TMEM117: variants seen among roughly 807,000 people sequenced by gnomAD.
The protein encoded by TMEM117 is transmembrane protein 117.
Under a neutral mutation model 52.4 loss-of-function variants are expected in TMEM117, and 27 were observed. That is an observed-to-expected ratio of 0.51 (90% CI 0.38 to 0.71). The LOEUF (loss-of-function observed/expected upper bound fraction) is 0.71, where lower values mean the gene tolerates loss of function less well. TMEM117 is among the 30% of genes least tolerant of loss of function. The pLI is 0.00. For missense variants in TMEM117, 556 were observed against 630.5 expected, an observed-to-expected ratio of 0.88 and a Z score of 1.26; for synonymous variants, 215 against 206.3, an observed-to-expected ratio of 1.04 and a Z score of -0.36.
At position 44,143,584 on chromosome 12, in the gene TMEM117, C is replaced by T. The variant is rs1442778409; in HGVS notation, c.470C>T (p.Ala157Val). The part of the protein sequence containing the change: ...IRNESFMKLA[A>V]VGTWMGDFVT... ...AATGAAAGTTTCATGAAATTAGCTG[C>T]AGTAGGGACCTGGATGGGGGACTTT... The change falls in exon 4 of 8, where the codon GCA becomes GTA. Residue 157 changes from alanine (A) to valine (V), a missense_variant. By Grantham distance (64) the Ala-to-Val change is moderately conservative (BLOSUM62 0). This residue lies in a region of TMEM117 where 328 missense variants were observed against 371.4 expected (regional missense o/e 0.88). Coordinates refer to ENST00000266534, the MANE Select transcript of TMEM117 (RefSeq NM_032256.3). 3 of 1,613,954 alleles carry T rather than the reference C, an allele frequency of 1.9e-6. No individual in the cohort carries two copies. Among genetic ancestry groups the T allele is most frequent in the Middle Eastern group, 3.3e-4 (2 of 6,062 alleles).
chr12:44,191,637 A>G (rs935946114), intron 4 of TMEM117, among the ~76,000 whole-genome samples: 1 of 152,142 alleles, frequency 6.6e-6, no homozygotes, highest in Admixed American at 6.5e-5. Context: ...TGCTCACCTT[A>G]TATAATAATG....
intron 3 of TMEM117, among the ~76,000 whole-genome samples, chr12:43,971,298 C>A (rs1400158757): frequency 6.6e-6 from 1 of 152,138 alleles, no homozygotes; most frequent in Non-Finnish European, 1.5e-5. Flanking sequence ...ACATTTATGT[C>A]CTGGCTTCTA....
chr12:44,364,644 A>G (rs1951765787), intron 6 of TMEM117, among the ~76,000 whole-genome samples: 2 of 152,240 alleles, frequency 1.3e-5, no homozygotes, highest in South Asian at 4.1e-4. Context: ...CTTTAAGTGA[A>G]GGGCTTCTTG....
chr12:43,957,607 T>C (rs756495734), intron 3 of TMEM117, among the ~76,000 whole-genome samples: 10 of 152,302 alleles, frequency 6.6e-5, no homozygotes, highest in Non-Finnish European at 1.2e-4. Context: ...ATTTATTTGG[T>C]ATTAATAAAG....
chr12:44,355,641 T>G (rs901897197), intron 6 of TMEM117, among the ~76,000 whole-genome samples: 3 of 152,078 alleles, frequency 2.0e-5, no homozygotes, highest in Admixed American at 6.6e-5. Flanking sequence ...CATGGTTCAT[T>G]CTGCCACCCT....
intron 6 of TMEM117, among the ~76,000 whole-genome samples, chr12:44,370,502 A>ATTTTTTT (rs1951848141): frequency 5.7e-5 from 8 of 140,832 alleles, no homozygotes; most frequent in African/African-American, 2.2e-4. Flanking sequence ...AACCACAGAG[A>ATTTTTTT]TTCTTTTTTT....
intron 6 of TMEM117, among the ~76,000 whole-genome samples, chr12:44,358,539 T>G (rs1256787191): frequency 6.6e-6 from 1 of 152,252 alleles, no homozygotes. Flanking sequence ...TCATGTCACC[T>G]GATAATTTCC....
At position 44,052,560 on chromosome 12, in the gene TMEM117, G is replaced by A. The variant is rs969122473; in HGVS notation, c.411-90965G>A. On this transcript the variant is annotated intron_variant, in intron 3 of 7. Coordinates refer to ENST00000266534, the MANE Select transcript of TMEM117 (RefSeq NM_032256.3). ...TCTCTCTCCTGAGTTCCGTGATGTG[G>A]GTGAATAAACCTCTTTGGCTGGTCA... 4.6e-5 allele frequency among the ~76,000 whole-genome samples: 7 copies of A among 152,060 alleles called. No homozygotes were observed. The East Asian group carries it at 7.7e-4, about 17-fold the overall frequency.
At chr12:44,214,513 G>A (rs1463060955) in intron 5 of TMEM117, among the ~76,000 whole-genome samples, 1 of 151,986 alleles carries the variant, frequency 6.6e-6, no homozygotes, top group Admixed American at 6.6e-5. Context: ...AGCCCAGTGG[G>A]TATTCTAAAA....
At chr12:43,838,682 T>C (rs1943071707) in intron 1 of TMEM117, among the ~76,000 whole-genome samples, 1 of 150,374 alleles carries the variant, frequency 6.7e-6, no homozygotes, top group Non-Finnish European at 1.5e-5. Context: ...TCTTACTTCC[T>C]TCCCATTGGA....
intron 3 of TMEM117, among the ~76,000 whole-genome samples, chr12:43,978,419 C>T (rs1351112108): frequency 6.6e-6 from 1 of 152,072 alleles, no homozygotes; most frequent in Non-Finnish European, 1.5e-5. Flanking sequence ...AAAAGGTCTC[C>T]AGGGCCAATA....
intron 3 of TMEM117, among the ~76,000 whole-genome samples, chr12:44,122,539 T>C (rs1247553679): frequency 6.6e-6 from 1 of 152,106 alleles, no homozygotes; most frequent in Non-Finnish European, 1.5e-5. Flanking sequence ...CATTAGCTAT[T>C]CTTCTTGATG....
intron 4 of TMEM117, among the ~76,000 whole-genome samples, chr12:44,146,600 T>A (rs1373311775): frequency 6.6e-6 from 1 of 152,210 alleles, no homozygotes; most frequent in Non-Finnish European, 1.5e-5. Flanking sequence ...CCAGAGCACA[T>A]CATTTCTATT....
At chr12:44,224,537 T>C (rs73102932) in intron 5 of TMEM117, among the ~76,000 whole-genome samples, 15,788 of 151,216 alleles carry the variant, frequency 0.1, 910 homozygotes, top group Middle Eastern at 0.2. Context: ...TTCTCCTCCT[T>C]CTCTTCCTCC....
chr12:44,011,503 G>A (rs1249275607), intron 3 of TMEM117, among the ~76,000 whole-genome samples: 1 of 152,068 alleles, frequency 6.6e-6, no homozygotes, highest in East Asian at 1.9e-4. Context: ...TCCCATCCAT[G>A]TAAGACGTGA....
intron 2 of TMEM117, among the ~76,000 whole-genome samples, chr12:43,874,699 C>T (rs936067325): frequency 7.9e-5 from 12 of 152,196 alleles, no homozygotes; most frequent in Admixed American, 4.6e-4. Flanking sequence ...GATAGTTGAT[C>T]CTGCACTTTT....
At chr12:43,900,774 T>C (rs1944291344) in intron 2 of TMEM117, among the ~76,000 whole-genome samples, 1 of 150,934 alleles carries the variant, frequency 6.6e-6, no homozygotes, top group South Asian at 2.1e-4. Context: ...GGGGGAGGGG[T>C]TATTTAAAGA....
chr12:43,958,837 C>T (rs1945351357), intron 3 of TMEM117, among the ~76,000 whole-genome samples: 1 of 151,874 alleles, frequency 6.6e-6, no homozygotes, highest in African/African-American at 2.4e-5. Context: ...GACAGAGTCT[C>T]ACTCTGTCGC....
At chr12:44,090,623 G>A (rs12296789) in intron 3 of TMEM117, among the ~76,000 whole-genome samples, 1,954 of 151,612 alleles carry the variant, frequency 0.013, 47 homozygotes, top group African/African-American at 0.044. Flanking sequence ...TTTTAGTAGA[G>A]ATGCAGTTTC....
Sources: allele counts gnomAD v4.1 joint callset (sites outside exome capture counted in the v4.1 genomes callset), GRCh38; gene constraint gnomAD v4.1.1; regional missense constraint gnomAD v4.1.1; transcripts MANE v1.5; gene names NCBI Gene and HGNC (gene_info 2026-07-23, HGNC 2026-07-21).